The following CNTN5 variants were observed in gnomAD, a reference collection of about 807,000 sequenced individuals.
CNTN5 encodes contactin-5.
A neutral mutation model predicts 129.1 loss-of-function variants in CNTN5; 77 were observed. The observed-to-expected ratio is 0.60, with a 90% CI of 0.50 to 0.72. CNTN5 has a LOEUF of 0.72. Ranked by LOEUF, CNTN5 falls within the 30% of genes least tolerant of loss-of-function variation. The pLI, the probability that CNTN5 is intolerant of heterozygous loss-of-function variation, is 0.00. For synonymous variants in CNTN5, 509 were observed against 465.6 expected, an observed-to-expected ratio of 1.09 and a Z score of -1.20; for missense variants, 1,478 against 1,328.8, an observed-to-expected ratio of 1.11 and a Z score of -1.75.
intron 2 of CNTN5, among the ~76,000 whole-genome samples, chr11:99,388,147 G>C (rs1591611100): frequency 6.6e-6 from 1 of 151,972 alleles, no homozygotes; most frequent in Non-Finnish European, 1.5e-5. Flanking sequence ...TGGACGCGGG[G>C]GCTCAAATCT....
chr11:100,083,014 G>A (rs907290580), intron 13 of CNTN5, among the ~76,000 whole-genome samples: 1 of 151,980 alleles, frequency 6.6e-6, no homozygotes. Context: ...TGGCCAGAGT[G>A]GGAGCAAAAG....
chr11:99,583,921 C>G (rs1949704797), intron 3 of CNTN5, among the ~76,000 whole-genome samples: 1 of 152,122 alleles, frequency 6.6e-6, no homozygotes, highest in Non-Finnish European at 1.5e-5. Flanking sequence ...ATGGCTCAAG[C>G]TGGGAGCTGT....
chr11:99,387,865 A>G (rs1348935817), intron 2 of CNTN5, among the ~76,000 whole-genome samples: 2 of 152,160 alleles, frequency 1.3e-5, no homozygotes, highest in Non-Finnish European at 2.9e-5. Context: ...TTGGCTGCAC[A>G]TTGGAATCAG....
At chr11:100,044,661 C>T (rs1262422854) in intron 9 of CNTN5, among the ~76,000 whole-genome samples, 2 of 151,680 alleles carry the variant, frequency 1.3e-5, no homozygotes, top group Non-Finnish European at 2.9e-5. Flanking sequence ...TCTTCACTCA[C>T]TTTTTGTTAT....
In CNTN5 at chr11:100,042,376, CT is replaced by C. The variant is rs960225882; in HGVS notation, c.981-18828del. Among the ~76,000 whole-genome samples, 23 of 151,620 alleles carry C rather than the reference CT, an allele frequency of 1.5e-4. 1 individual carries two copies. The highest frequency in any genetic ancestry group is 1.3e-3 in the South Asian group (6 of 4,800). ...TTCTATCAAAGATATACAATGTTTCCTTTTTTTTGTGCAAGTCACAAAGGAG... is the reference window on the plus strand; with the variant it reads ...TTCTATCAAAGATATACAATGTTTCCTTTTTTTGTGCAAGTCACAAAGGAG... On this transcript the variant is annotated intron_variant, in intron 9 of 24. Transcript: ENST00000524871.
chr11:99,575,603 T>C (rs1189882315), intron 3 of CNTN5, among the ~76,000 whole-genome samples: 1 of 152,172 alleles, frequency 6.6e-6, no homozygotes, highest in African/African-American at 2.4e-5. Context: ...TTTTCCAAAG[T>C]AAGTTGATAA....
At chr11:99,976,063 T>C (rs965473285) in intron 8 of CNTN5, among the ~76,000 whole-genome samples, 2 of 152,152 alleles carry the variant, frequency 1.3e-5, no homozygotes, top group Non-Finnish European at 2.9e-5. Context: ...GAGAAACTGG[T>C]CATAACCAAG....
intron 1 of CNTN5, among the ~76,000 whole-genome samples, chr11:99,092,860 G>T (rs1049189915): frequency 3.5e-4 from 53 of 151,986 alleles, no homozygotes; most frequent in African/African-American, 1.2e-3. Flanking sequence ...GTTTATGTTT[G>T]TTGTACCCTT....
intron 13 of CNTN5, among the ~76,000 whole-genome samples, chr11:100,079,856 A>G (rs1165801799): frequency 6.6e-6 from 1 of 152,050 alleles, no homozygotes; most frequent in African/African-American, 2.4e-5. Context: ...CTGCTCATCA[A>G]ACTCATATTG....
At chr11:99,926,523 TA>T (rs1409188746) in intron 7 of CNTN5, among the ~76,000 whole-genome samples, 4 of 152,160 alleles carry the variant, frequency 2.6e-5, no homozygotes, top group Non-Finnish European at 4.4e-5. Flanking sequence ...AATGAGATTT[TA>T]CATTATACAA....
intron 8 of CNTN5, among the ~76,000 whole-genome samples, chr11:99,975,888 A>C (rs913214386): frequency 2.6e-5 from 4 of 152,172 alleles, no homozygotes; most frequent in Non-Finnish European, 4.4e-5. Flanking sequence ...GCTTTTCCCA[A>C]AGTCTTAACT....
intron 6 of CNTN5, among the ~76,000 whole-genome samples, chr11:99,881,085 T>A (rs1009980651): frequency 1.3e-5 from 2 of 152,194 alleles, no homozygotes; most frequent in African/African-American, 2.4e-5. Context: ...CATCTATGAT[T>A]TATTGGAAAT....
intron 3 of CNTN5, among the ~76,000 whole-genome samples, chr11:99,566,705 G>C (rs1001064617): frequency 1.3e-5 from 2 of 152,184 alleles, no homozygotes; most frequent in African/African-American, 4.8e-5. Context: ...GTGTAATAGA[G>C]ATTTTAATAG....
At chr11:99,630,361 G>GT (rs1403888917) in intron 3 of CNTN5, among the ~76,000 whole-genome samples, 1 of 151,884 alleles carries the variant, frequency 6.6e-6, no homozygotes, top group Non-Finnish European at 1.5e-5. Context: ...GGGTGGCAGG[G>GT]TTTATAAGGA....
At chr11:99,507,379 A>AG (rs1229154765) in intron 2 of CNTN5, among the ~76,000 whole-genome samples, 7 of 150,528 alleles carry the variant, frequency 4.7e-5, no homozygotes, top group Admixed American at 3.3e-4. Flanking sequence ...CTGTCTCAAA[A>AG]AAAAAAAAAA....
intron 1 of CNTN5, among the ~76,000 whole-genome samples, chr11:99,142,461 G>C (rs926505381): frequency 4.6e-5 from 7 of 152,066 alleles, no homozygotes; most frequent in African/African-American, 9.7e-5. Context: ...GGTGAGGAGG[G>C]GTCTGCTGGT....
At chr11:99,553,552 A>G (rs1013396227) in intron 2 of CNTN5, among the ~76,000 whole-genome samples, 22 of 151,996 alleles carry the variant, frequency 1.4e-4, no homozygotes, top group African/African-American at 5.1e-4. Flanking sequence ...CAGAAGAGTT[A>G]TTTTACTTAG....
chr11:99,611,562 T>C (rs1236055624), intron 3 of CNTN5, among the ~76,000 whole-genome samples: 1 of 152,130 alleles, frequency 6.6e-6, no homozygotes, highest in Non-Finnish European at 1.5e-5. Context: ...CAGAGGAAAA[T>C]GGATTTGTGT....
chr11:100,177,392 TC>T (rs1011578317), intron 13 of CNTN5, among the ~76,000 whole-genome samples: 2 of 152,110 alleles, frequency 1.3e-5, no homozygotes, highest in Non-Finnish European at 2.9e-5. Context: ...GTCTAACTCT[TC>T]CTTTCACACT....
Sources: allele counts gnomAD v4.1 joint callset (sites outside exome capture counted in the v4.1 genomes callset), GRCh38; gene constraint gnomAD v4.1.1; transcripts MANE v1.5; gene names NCBI Gene and HGNC (gene_info 2026-07-23, HGNC 2026-07-21).